PGM5: variants seen among roughly 807,000 people sequenced by gnomAD.
The protein encoded by PGM5 is phosphoglucomutase-like protein 5.
PGM5 carries 23 observed loss-of-function variants against 59.2 expected under a neutral mutation model. That is an observed-to-expected ratio of 0.39 (90% CI 0.28 to 0.55). The LOEUF is 0.55. PGM5 is among the 20% of genes least tolerant of loss of function. The probability of loss-of-function intolerance (pLI) is 0.66; values close to 1 mark genes in which losing one functional copy is unlikely to be tolerated. For synonymous variants in PGM5, 214 were observed against 286.0 expected (o/e 0.75, Z 2.54); for missense variants, 574 against 748.3 (o/e 0.77, Z 2.72).
intron 6 of PGM5, chr9:68,428,768 A>G (rs1331947781): frequency 3.3e-5 from 5 of 152,188 alleles, no homozygotes; most frequent in South Asian, 4.1e-4. Context: ...AGAAGTTGCT[A>G]TCTCTGTCTT....
At chr9:68,518,077 G>A (rs555503645) in intron 10 of PGM5, among the ~76,000 whole-genome samples, 1 of 152,336 alleles carries the variant, frequency 6.6e-6, no homozygotes, top group South Asian at 2.1e-4. Flanking sequence ...AACCAAAGAG[G>A]CAGCAAAGAG....
rs182064802 is a variant in PGM5 at position 68,356,712 on chromosome 9, C to A, written c.-416C>A. ...CGGCTGTTTTCTGGCGGAGGGTGTGCCCCGGAGGGCGGCGATCGCGGGTGA... is the reference window on the plus strand; with the variant it reads ...CGGCTGTTTTCTGGCGGAGGGTGTGACCCGGAGGGCGGCGATCGCGGGTGA... On this transcript the variant is annotated 5_prime_UTR_variant, in exon 1 of 11. Transcript: ENST00000396396. Among the ~76,000 whole-genome samples, 4,682 of 135,854 alleles carry A rather than the reference C, an allele frequency of 0.034. 63 individuals are homozygous for A. Among genetic ancestry groups the A allele is most frequent in the Non-Finnish European group, 0.051 (3,162 of 61,672 alleles). 89.1% of individuals were successfully genotyped at this position (135,854 alleles called of 152,430 possible).
intron 6 of PGM5, among the ~76,000 whole-genome samples, chr9:68,440,293 G>A (rs782186643): frequency 2.0e-5 from 3 of 152,082 alleles, no homozygotes; most frequent in Non-Finnish European, 4.4e-5. Context: ...TTTTTCAAGT[G>A]CATGGAGCAT....
At chr9:68,466,540 G>A (rs1823938086) in intron 7 of PGM5, 1 of 166,816 alleles carries the variant, frequency 6.0e-6, no homozygotes, top group Non-Finnish European at 1.3e-5. Context: ...TGAATAATAT[G>A]TGGATAAGAA....
rs1825049235 is a variant in PGM5 at position 68,529,616 on chromosome 9, A to T, written c.1664A>T (p.His555Leu). The change falls in exon 11 of 11, where the codon CAT becomes CTT. Residue 555 changes from histidine to leucine, a missense_variant. By Grantham distance (99) the His-to-Leu change is moderately conservative. Transcript: ENST00000396396. ...ATCGCACTGAAAATATCCCAGATTC[A>T]TGAGAGAACTGGCCGGAGGGGACCC... ...IAIALKISQI[H>L]ERTGRRGPTV... The T allele has an allele frequency of 6.2e-7, 1 of 1,601,200 alleles. No homozygotes were observed. The highest frequency in any genetic ancestry group is 8.5e-7 in the Non-Finnish European group (1 of 1,171,672).
chr9:68,514,862 TGAA>T (rs1824802401), intron 10 of PGM5, among the ~76,000 whole-genome samples: 1 of 152,208 alleles, frequency 6.6e-6, no homozygotes, highest in Admixed American at 6.5e-5. Context: ...CCAAGATCCT[TGAA>T]GACTTGTTCC....
intron 10 of PGM5, among the ~76,000 whole-genome samples, chr9:68,508,304 G>A (rs1387901453): frequency 6.6e-6 from 1 of 152,174 alleles, no homozygotes; most frequent in Non-Finnish European, 1.5e-5. Context: ...GGCATGCCTT[G>A]ATCCTGGCTT....
intron 10 of PGM5, among the ~76,000 whole-genome samples, chr9:68,511,175 G>A (rs539063554): frequency 1.2e-4 from 18 of 152,244 alleles, no homozygotes; most frequent in South Asian, 4.1e-4. Flanking sequence ...TCCAAATTAC[G>A]TCAAAGAAAT....
Position 68,392,475 on chromosome 9 carries a change from T to G in PGM5, c.1043+2T>G. 2 of 1,610,884 alleles carry G rather than the reference T, an allele frequency of 1.2e-6. No homozygotes were observed. The highest frequency in any genetic ancestry group is 1.7e-6 in the Non-Finnish European group (2 of 1,179,252). Reference sequence around the variant, plus strand: ...GCCAACCAGCATGGCCCTGGACAGGTAAGCAAGGATGTCACCGTGAAAAAC... The same window carrying G: ...GCCAACCAGCATGGCCCTGGACAGGGAAGCAAGGATGTCACCGTGAAAAAC... On this transcript the variant is annotated splice_donor_variant, in intron 6 of 10. Transcript: ENST00000396396. LOFTEE classifies it high-confidence loss of function.
At chr9:68,391,227 A>G (rs263796) in intron 4 of PGM5, among the ~76,000 whole-genome samples, 75,217 of 149,612 alleles carry the variant, frequency 0.5, 20,137 homozygotes, top group African/African-American at 0.69. Context: ...AAAGCAACAG[A>G]CAATGAATCA....
intron 6 of PGM5, among the ~76,000 whole-genome samples, chr9:68,460,996 T>C (rs545602407): frequency 6.6e-6 from 1 of 152,324 alleles, no homozygotes; most frequent in East Asian, 1.9e-4. Context: ...ATTTCAGTGA[T>C]GAGGAAAGGA....
Position 68,465,129 on chromosome 9 carries a change from C to A in PGM5, c.1080C>A (p.Thr360=). 6.2e-7 allele frequency: 1 copy of A among 1,612,832 alleles called. No homozygotes were observed. The highest frequency in any genetic ancestry group is 8.5e-7 in the Non-Finnish European group (1 of 1,179,068). ...CAATGAAGGTCCCTGTATATGAGAC[C>A]CCAGCTGGATGGAGATTCTTCTCAA... ...AKSMKVPVYE[T]PAGWRFFSNL... Residue 360 remains threonine, a synonymous_variant, in exon 7 of 11, where the codon ACC becomes ACA. Coordinates refer to ENST00000396396, the MANE Select transcript of PGM5 (RefSeq NM_021965.4).
intron 6 of PGM5, among the ~76,000 whole-genome samples, chr9:68,445,829 G>A (rs1239973354): frequency 2.6e-5 from 4 of 152,350 alleles, no homozygotes; most frequent in Admixed American, 6.5e-5. Context: ...GAGTTACACT[G>A]AAGGGAGTGT....
chr9:68,506,005 T>C (rs1419604715), intron 10 of PGM5, among the ~76,000 whole-genome samples: 1 of 152,182 alleles, frequency 6.6e-6, no homozygotes, highest in Non-Finnish European at 1.5e-5. Context: ...ACTCCTATCA[T>C]TCAGGAAGTT....
At chr9:68,486,374 T>G (rs1824296204) in intron 9 of PGM5, among the ~76,000 whole-genome samples, 1 of 152,134 alleles carries the variant, frequency 6.6e-6, no homozygotes, top group Non-Finnish European at 1.5e-5. Flanking sequence ...CACAACCAAT[T>G]CAGAACACTT....
intron 6 of PGM5, among the ~76,000 whole-genome samples, chr9:68,458,734 AC>A (rs1410902053): frequency 6.6e-6 from 1 of 152,024 alleles, no homozygotes; most frequent in Non-Finnish European, 1.5e-5. Context: ...TGGTTGAAAA[AC>A]TTTTGTAGTT....
chr9:68,461,999 T>C (rs1554685439), intron 6 of PGM5, among the ~76,000 whole-genome samples: 1 of 152,042 alleles, frequency 6.6e-6, no homozygotes, highest in African/African-American at 2.4e-5. Context: ...ATAGAATACA[T>C]AGGGAGTAGT....
chr9:68,436,069 C>G (rs782119645), intron 6 of PGM5, among the ~76,000 whole-genome samples: 19 of 152,212 alleles, frequency 1.2e-4, no homozygotes, highest in Non-Finnish European at 2.5e-4. Context: ...CCAACATCCT[C>G]ACACTTACTA....
At chr9:68,379,471 T>C (rs1283801015) in intron 2 of PGM5, among the ~76,000 whole-genome samples, 1 of 152,116 alleles carries the variant, frequency 6.6e-6, no homozygotes, top group African/African-American at 2.4e-5. Context: ...AAAACAATAT[T>C]GTAACCACAA....
Sources: allele counts gnomAD v4.1 joint callset (sites outside exome capture counted in the v4.1 genomes callset), GRCh38; gene constraint gnomAD v4.1.1; transcripts MANE v1.5; gene names NCBI Gene and HGNC (gene_info 2026-07-23, HGNC 2026-07-21).